ZDHHC14: variants seen among roughly 807,000 people sequenced by gnomAD.
The protein encoded by ZDHHC14 is palmitoyltransferase ZDHHC14.
In ZDHHC14, 16 loss-of-function variants were observed where a neutral mutation model predicts 47.7. The ratio of observed to expected loss-of-function variants is 0.34; its 90% CI spans 0.23 to 0.51. The LOEUF is 0.51. Ranked by LOEUF, ZDHHC14 falls within the 20% of genes least tolerant of loss-of-function variation. The probability of loss-of-function intolerance (pLI) is 0.97; values close to 1 mark genes in which losing one functional copy is unlikely to be tolerated. For missense variants in ZDHHC14, 515 were observed against 662.5 expected (o/e 0.78, Z 2.44); for synonymous variants, 293 against 278.9 (o/e 1.05, Z -0.50).
intron 1 of ZDHHC14, among the ~76,000 whole-genome samples, chr6:157,417,455 C>A (rs2114765574): frequency 6.6e-6 from 1 of 152,294 alleles, no homozygotes. Context: ...TTTTTAAGAG[C>A]TGCTTAGCAT....
chr6:157,480,038 C>T (rs551528826), intron 1 of ZDHHC14, among the ~76,000 whole-genome samples: 25 of 152,278 alleles, frequency 1.6e-4, no homozygotes, highest in African/African-American at 5.8e-4. Context: ...AACTGGACAA[C>T]AGTGGCCCAC....
intron 1 of ZDHHC14, among the ~76,000 whole-genome samples, chr6:157,450,218 A>G (rs866672859): frequency 1.3e-5 from 2 of 152,112 alleles, no homozygotes; most frequent in Middle Eastern, 6.8e-3. Context: ...CTTCCATAAC[A>G]GATTATGAGC....
intron 1 of ZDHHC14, among the ~76,000 whole-genome samples, chr6:157,513,529 C>A (rs1469982164): frequency 6.6e-6 from 1 of 152,206 alleles, no homozygotes; most frequent in Non-Finnish European, 1.5e-5. Flanking sequence ...TCAACATTGA[C>A]ATAAGCCTTG....
rs113403509 is a variant in ZDHHC14, at chr6:157,670,618, C to T, written c.1069-2106C>T. ...CCGCCTTCCAAGTAGTTTCTAATGG[C>T]CTTTCCTTTCCTCCAAATAACCCTA... On this transcript the variant is annotated intron_variant, in intron 8 of 8. Coordinates refer to ENST00000359775, the MANE Select transcript of ZDHHC14 (RefSeq NM_024630.3). Among the ~76,000 whole-genome samples, 279 of 152,190 alleles carry T rather than the reference C, an allele frequency of 1.8e-3. 2 individuals are homozygous for T. Among genetic ancestry groups the T allele is most frequent in the African/African-American group, 6.6e-3 (274 of 41,524 alleles).
At chr6:157,642,023 A>AAGATAGAT (rs77223982) in intron 5 of ZDHHC14, among the ~76,000 whole-genome samples, 12,301 of 146,656 alleles carry the variant, frequency 0.084, 548 homozygotes, top group Non-Finnish European at 0.096. Context: ...GTATATTTTG[A>AAGATAGAT]AGATAGATAG....
At chr6:157,607,073 C>T (rs972969471) in intron 3 of ZDHHC14, among the ~76,000 whole-genome samples, 1 of 152,090 alleles carries the variant, frequency 6.6e-6, no homozygotes, top group African/African-American at 2.4e-5. Flanking sequence ...TTCTATATCA[C>T]GATGTCGAAA....
At chr6:157,609,192 A>G (rs992132314) in intron 3 of ZDHHC14, among the ~76,000 whole-genome samples, 5 of 152,202 alleles carry the variant, frequency 3.3e-5, no homozygotes, top group Non-Finnish European at 7.3e-5. Context: ...CCTAAAATAA[A>G]CATGAGGACC....
At chr6:157,422,489 T>TGCTGCTTTACCCCG in intron 1 of ZDHHC14, among the ~76,000 whole-genome samples, 1 of 152,150 alleles carries the variant, frequency 6.6e-6, no homozygotes, top group East Asian at 1.9e-4. Flanking sequence ...CAGCCTCTAG[T>TGCTGCTTTACCCCG]GGAGCGTTAC....
At chr6:157,413,590 T>C (rs1248443505) in intron 1 of ZDHHC14, among the ~76,000 whole-genome samples, 1 of 143,850 alleles carries the variant, frequency 7.0e-6, no homozygotes, top group Non-Finnish European at 1.5e-5. Flanking sequence ...CCTTCCTTTC[T>C]TTTTTTTTTT....
chr6:157,526,211 T>G (rs1475660595), intron 1 of ZDHHC14, among the ~76,000 whole-genome samples: 15 of 152,268 alleles, frequency 9.9e-5, no homozygotes, highest in Non-Finnish European at 1.5e-5. Context: ...AGGGTCTCCC[T>G]GATGCTAACT....
At chr6:157,452,869 A>AT (rs992341612) in intron 1 of ZDHHC14, among the ~76,000 whole-genome samples, 45 of 151,526 alleles carry the variant, frequency 3.0e-4, no homozygotes, top group African/African-American at 1.0e-3. Flanking sequence ...CACCCGGCTA[A>AT]TTTTTTTGTA....
chr6:157,520,681 T>A (rs1013430576), intron 1 of ZDHHC14, among the ~76,000 whole-genome samples: 61 of 152,344 alleles, frequency 4.0e-4, no homozygotes, highest in African/African-American at 1.3e-3. Flanking sequence ...ATAGAATGTC[T>A]TTTAGAAGAT....
At chr6:157,456,157 C>T (rs977486667) in intron 1 of ZDHHC14, among the ~76,000 whole-genome samples, 2 of 152,222 alleles carry the variant, frequency 1.3e-5, no homozygotes, top group South Asian at 4.1e-4. Context: ...CTCTTCCTGA[C>T]CTCTGCCTCC....
intron 2 of ZDHHC14, 139 bp downstream of exon 2, chr6:157,542,884 C>G: frequency 3.7e-6 from 4 of 1,082,060 alleles, no homozygotes; most frequent in Non-Finnish European, 5.2e-6. Context: ...TTCCTTAGCT[C>G]GCTGGGTGGG....
intron 1 of ZDHHC14, among the ~76,000 whole-genome samples, chr6:157,459,227 A>G (rs1779007390): frequency 6.6e-6 from 1 of 151,944 alleles, no homozygotes; most frequent in African/African-American, 2.4e-5. Flanking sequence ...CTGGAAAACA[A>G]ATTGTTGACG....
chr6:157,444,233 C>A (rs1448032518), intron 1 of ZDHHC14, among the ~76,000 whole-genome samples: 1 of 152,210 alleles, frequency 6.6e-6, no homozygotes, highest in Non-Finnish European at 1.5e-5. Context: ...AGTTAGTGAG[C>A]ATATCATACT....
intron 3 of ZDHHC14, among the ~76,000 whole-genome samples, chr6:157,608,923 G>GA (rs1239116689): frequency 1.3e-5 from 2 of 152,166 alleles, no homozygotes; most frequent in African/African-American, 4.8e-5. Flanking sequence ...GATGATTCCA[G>GA]AAAAATTTCA....
At chr6:157,656,344 C>CTTTTTTTTTTTTTT (rs139902125) in intron 8 of ZDHHC14, among the ~76,000 whole-genome samples, 1 of 150,170 alleles carries the variant, frequency 6.7e-6, no homozygotes. Context: ...CTTTTCTTTT[C>CTTTTTTTTTTTTTT]TTTTTTTTGA....
intron 1 of ZDHHC14, among the ~76,000 whole-genome samples, chr6:157,407,571 G>A (rs571009176): frequency 2.6e-4 from 40 of 152,150 alleles, no homozygotes; most frequent in African/African-American, 9.2e-4. Context: ...CCAAACCAAG[G>A]CACTTTTCAT....
Sources: allele counts gnomAD v4.1 joint callset (sites outside exome capture counted in the v4.1 genomes callset), GRCh38; gene constraint gnomAD v4.1.1; transcripts MANE v1.5; gene names NCBI Gene and HGNC (gene_info 2026-07-23, HGNC 2026-07-21).